CYSLTR2: variants seen among roughly 807,000 people sequenced by gnomAD.
The protein encoded by CYSLTR2 is G-protein coupled receptor GPCR21.
For synonymous variants in CYSLTR2, 179 were observed against 160.8 expected (o/e 1.11, Z -0.86); for missense variants, 398 against 411.9 (o/e 0.97, Z 0.29).
At position 48,707,306 on chromosome 13, in the gene CYSLTR2, G is replaced by A. The variant is rs1325522802; in HGVS notation, c.489G>A (p.Trp163Ter). ...CCTGGATCCTCTGTGGGATCATATG[G>A]ATCCTTATCATGGCTTCCTCAATAA... ...RSAWILCGII[W>*]ILIMASSIML... Residue 163 changes from tryptophan to a stop codon, truncating the protein, a stop_gained, in exon 5 of 5, where the codon TGG (tryptophan) becomes TGA (stop). Transcript: ENST00000682523. LOFTEE classifies it low-confidence loss of function (END_TRUNC). The A allele has an allele frequency of 6.2e-7, 1 of 1,613,988 alleles. No individual in the cohort carries two copies. Among genetic ancestry groups the A allele is most frequent in the Admixed American group, 1.7e-5 (1 of 60,018 alleles).
intron 1 of CYSLTR2, among the ~76,000 whole-genome samples, chr13:48,661,329 G>A (rs185824941): frequency 5.5e-4 from 83 of 152,174 alleles, no homozygotes; most frequent in African/African-American, 1.9e-3. Context: ...GAGGTAGTCC[G>A]TGAACAAATC....
intron 3 of CYSLTR2, among the ~76,000 whole-genome samples, chr13:48,695,068 ATTTTTTTTTTTTTT>A (rs869282546): frequency 1.4e-5 from 1 of 71,606 alleles, no homozygotes; most frequent in African/African-American, 6.2e-5. Flanking sequence ...AGAACCTGGC[ATTTTTTTTTTTTTT>A]TTTTTTTTTT....
intron 1 of CYSLTR2, among the ~76,000 whole-genome samples, chr13:48,687,827 G>GT (rs1953934894): frequency 6.6e-6 from 1 of 152,220 alleles, no homozygotes; most frequent in African/African-American, 2.4e-5. Flanking sequence ...GCAGGTGGCC[G>GT]TAAGCCTTAT....
intron 4 of CYSLTR2, among the ~76,000 whole-genome samples, chr13:48,701,259 A>G (rs1954337478): frequency 6.6e-6 from 1 of 152,164 alleles, no homozygotes; most frequent in Admixed American, 6.5e-5. Context: ...TAACCAAAAC[A>G]TCACGGTACT....
In CYSLTR2 at chr13:48,707,229, C is replaced by A; in HGVS notation, c.412C>A (p.Leu138Met). ...FLTVLSVVRF[L>M]AMVHPFRLLH... ...GACCGTGCTGAGTGTTGTGCGTTTC[C>A]TGGCAATGGTTCACCCCTTTCGGCT... The change falls in exon 5 of 5, where the codon CTG becomes ATG. Residue 138 changes from leucine to methionine, a missense_variant. Physicochemically the swap from Leu to Met is conservative, Grantham distance 15 (BLOSUM62 2). Coordinates refer to ENST00000682523, the MANE Select transcript of CYSLTR2 (RefSeq NM_001308476.3). The A allele has an allele frequency of 6.2e-7, 1 of 1,614,098 alleles. No individual in the cohort carries two copies. Among genetic ancestry groups the A allele is most frequent in the Non-Finnish European group, 8.5e-7 (1 of 1,180,040 alleles).
At chr13:48,683,033 T>C (rs779477573) in intron 1 of CYSLTR2, among the ~76,000 whole-genome samples, 1 of 152,198 alleles carries the variant, frequency 6.6e-6, no homozygotes, top group South Asian at 2.1e-4. Context: ...CCCAGCTCCA[T>C]CCGTGTTCCT....
intron 4 of CYSLTR2, among the ~76,000 whole-genome samples, chr13:48,701,973 G>T (rs996779493): frequency 1.3e-5 from 2 of 152,080 alleles, no homozygotes; most frequent in Non-Finnish European, 2.9e-5. Flanking sequence ...TATGTTTATT[G>T]TGGCACTATT....
At chr13:48,687,702 T>C (rs538125632) in intron 1 of CYSLTR2, among the ~76,000 whole-genome samples, 1 of 152,190 alleles carries the variant, frequency 6.6e-6, no homozygotes, top group Non-Finnish European at 1.5e-5. Flanking sequence ...CTTGACTTTT[T>C]TGGAGATTTC....
chr13:48,683,378 C>A (rs944641199), intron 1 of CYSLTR2, among the ~76,000 whole-genome samples: 2 of 152,174 alleles, frequency 1.3e-5, no homozygotes, highest in African/African-American at 4.8e-5. Flanking sequence ...TCTCTGCAAC[C>A]TTGCCAGCAT....
intron 1 of CYSLTR2, among the ~76,000 whole-genome samples, chr13:48,668,258 G>A (rs1013781325): frequency 2.6e-5 from 4 of 151,998 alleles, no homozygotes; most frequent in South Asian, 2.1e-4. Flanking sequence ...AGAGACCCAC[G>A]GGAAATGTCA....
At chr13:48,657,612 A>T (rs2138796649) in intron 1 of CYSLTR2, among the ~76,000 whole-genome samples, 1 of 152,054 alleles carries the variant, frequency 6.6e-6, no homozygotes, top group Non-Finnish European at 1.5e-5. Flanking sequence ...AAATTAAAAT[A>T]ATTTAGTCCA....
At chr13:48,656,165 AT>A (rs796573802) in intron 1 of CYSLTR2, among the ~76,000 whole-genome samples, 15 of 151,836 alleles carry the variant, frequency 9.9e-5, no homozygotes, top group Middle Eastern at 3.4e-3. Flanking sequence ...TTACATTGTA[AT>A]TTTTTTTTAC....
In CYSLTR2 at chr13:48,708,638, G is replaced by A. The variant is rs1283620756; in HGVS notation, c.*780G>A. 1 of 167,046 alleles carries A rather than the reference G, an allele frequency of 6.0e-6. No individual in the cohort carries two copies. The highest frequency in any genetic ancestry group is 1.5e-5 in the Non-Finnish European group (1 of 68,126). 10.3% of individuals were successfully genotyped at this position (167,046 alleles called of 1,614,324 possible). A position where few individuals can be genotyped will look rare whatever the true frequency, so the allele number is the denominator to read the frequency against. ...GACATGTATCTCAAATTTTCTTTGA[G>A]ATGCAGGTTAGTTGACCTTGCTGCA... On this transcript the variant is annotated 3_prime_UTR_variant, in exon 5 of 5. Coordinates refer to ENST00000682523, the MANE Select transcript of CYSLTR2 (RefSeq NM_001308476.3).
At chr13:48,671,229 C>G (rs1218123182) in intron 1 of CYSLTR2, among the ~76,000 whole-genome samples, 2 of 152,162 alleles carry the variant, frequency 1.3e-5, no homozygotes, top group Non-Finnish European at 2.9e-5. Flanking sequence ...CGAACAGAAA[C>G]AATTGGACTT....
chr13:48,688,645 T>A (rs928116156), intron 1 of CYSLTR2, among the ~76,000 whole-genome samples: 1 of 152,366 alleles, frequency 6.6e-6, no homozygotes, highest in South Asian at 2.1e-4. Context: ...ATTTTCTTTA[T>A]CTAGTCTATC....
intron 1 of CYSLTR2, among the ~76,000 whole-genome samples, chr13:48,654,632 G>A (rs1022025935): frequency 1.3e-5 from 2 of 152,112 alleles, no homozygotes; most frequent in African/African-American, 4.8e-5. Context: ...TTTGCTCAGA[G>A]GCACAATGAG....
At chr13:48,668,731 A>G (rs1425009631) in intron 1 of CYSLTR2, among the ~76,000 whole-genome samples, 1 of 151,850 alleles carries the variant, frequency 6.6e-6, no homozygotes. Context: ...TACATTAGGA[A>G]TTTCTCCTAA....
chr13:48,686,986 C>T (rs74074717), intron 1 of CYSLTR2, among the ~76,000 whole-genome samples: 3 of 152,228 alleles, frequency 2.0e-5, no homozygotes, highest in African/African-American at 7.2e-5. Context: ...AACTTCTGCT[C>T]TCAATGGATG....
intron 4 of CYSLTR2, among the ~76,000 whole-genome samples, chr13:48,703,018 C>T (rs896379308): frequency 6.6e-6 from 1 of 152,112 alleles, no homozygotes; most frequent in African/African-American, 2.4e-5. Flanking sequence ...GTGAGATTTA[C>T]ACCTGTCTTT....
Sources: allele counts gnomAD v4.1 joint callset (sites outside exome capture counted in the v4.1 genomes callset), GRCh38; gene constraint gnomAD v4.1.1; transcripts MANE v1.5; gene names NCBI Gene and HGNC (gene_info 2026-07-23, HGNC 2026-07-21).